TAF2: variants seen among roughly 807,000 people sequenced by gnomAD.
The protein encoded by TAF2 is transcription initiation factor TFIID subunit 2.
Under a neutral mutation model 138.5 loss-of-function variants are expected in TAF2, and 61 were observed. The ratio of observed to expected loss-of-function variants is 0.44; its 90% CI spans 0.36 to 0.54. The LOEUF is 0.54. Among genes scored for constraint, TAF2 ranks in the 20% least tolerant of loss-of-function variants. TAF2 has a pLI of 0.00. For missense variants in TAF2, 1,090 were observed against 1,427.9 expected, an observed-to-expected ratio of 0.76 and a Z score of 3.81; for synonymous variants, 475 against 469.9, an observed-to-expected ratio of 1.01 and a Z score of -0.14.
At chr8:119,781,709 T>TA (rs943057343) in intron 16 of TAF2, among the ~76,000 whole-genome samples, 5 of 152,008 alleles carry the variant, frequency 3.3e-5, no homozygotes, top group African/African-American at 1.2e-4. Flanking sequence ...TCTTTTTTTT[T>TA]TTTGGAGATG....
intron 3 of TAF2, among the ~76,000 whole-genome samples, chr8:119,818,014 T>C (rs1412837841): frequency 6.6e-6 from 1 of 152,238 alleles, no homozygotes; most frequent in Admixed American, 6.5e-5. Flanking sequence ...CAGGAGTAAA[T>C]CAGGGTTCCC....
intron 25 of TAF2, among the ~76,000 whole-genome samples, chr8:119,738,009 C>T (rs895023916): frequency 2.6e-5 from 4 of 151,832 alleles, no homozygotes; most frequent in African/African-American, 4.8e-5. Flanking sequence ...TCACCAACAA[C>T]CTTTAGCTCT....
chr8:119,763,287 T>C (rs1221402052), intron 18 of TAF2, among the ~76,000 whole-genome samples: 2 of 152,236 alleles, frequency 1.3e-5, no homozygotes, highest in Admixed American at 1.3e-4. Context: ...GTATTCACTA[T>C]AAAGTTTTGC....
At chr8:119,829,318 C>A (rs1826292683) in intron 2 of TAF2, among the ~76,000 whole-genome samples, 1 of 152,140 alleles carries the variant, frequency 6.6e-6, no homozygotes, top group Admixed American at 6.6e-5. Flanking sequence ...GCAGTAGCTT[C>A]ATTCTTCTAT....
In TAF2 at chr8:119,763,725, G is replaced by A. The variant is rs192756862; in HGVS notation, c.2365-1117C>T. 3.1e-4 allele frequency among the ~76,000 whole-genome samples: 47 copies of A among 151,058 alleles called. 1 individual carries two copies. The highest frequency in any genetic ancestry group is 5.3e-4 in the African/African-American group (22 of 41,138). On this transcript the variant is annotated intron_variant, in intron 18 of 25. Coordinates refer to ENST00000378164, the MANE Select transcript of TAF2 (RefSeq NM_003184.4). The stretch of plus-strand genomic sequence containing the variant: ...AGCCTGGATGACAGAGCAGGACTCC[G>A]TCTCAAGTGAGCCGAGACTGCACCA...
intron 2 of TAF2, 129 bp downstream of exon 2, chr8:119,831,548 T>G: frequency 1.5e-6 from 1 of 658,078 alleles, no homozygotes. Context: ...AGACCCTAAT[T>G]TTAATTCTTA....
At chr8:119,808,091 G>A (rs753190362) in intron 3 of TAF2, among the ~76,000 whole-genome samples, 1 of 152,120 alleles carries the variant, frequency 6.6e-6, no homozygotes, top group Non-Finnish European at 1.5e-5. Flanking sequence ...CAGTTAGGAA[G>A]GATATAATAT....
intron 3 of TAF2, among the ~76,000 whole-genome samples, chr8:119,812,225 T>C (rs1825119116): frequency 6.6e-6 from 1 of 152,218 alleles, no homozygotes; most frequent in African/African-American, 2.4e-5. Context: ...TAGCATCCTA[T>C]GTGACCTTGT....
rs988782542 is a variant in TAF2 at position 119,799,554 on chromosome 8, C to T, written c.793-1708G>A. On this transcript the variant is annotated intron_variant, in intron 6 of 25. Coordinates refer to ENST00000378164, the MANE Select transcript of TAF2 (RefSeq NM_003184.4). ...CACATTTTCTTAATCCAGCCTATCA[C>T]TGATGGACTGGGTTGGTTCCAAGTC... Among the ~76,000 whole-genome samples, 25 of 152,046 alleles carry T rather than the reference C, an allele frequency of 1.6e-4. 1 individual carries two copies. The highest frequency in any genetic ancestry group is 5.1e-4 in the African/African-American group (21 of 41,426).
At chr8:119,777,888 T>G (rs1822367903) in intron 18 of TAF2, 131 bp downstream of exon 18, 1 of 581,650 alleles carries the variant, frequency 1.7e-6, no homozygotes. Flanking sequence ...TGGACAGTCA[T>G]CAAGTACGAT....
chr8:119,762,527 C>T lies in TAF2; in HGVS notation c.2446G>A (p.Val816Ile). 6.2e-7 allele frequency: 1 copy of T among 1,613,922 alleles called. No individual in the cohort carries two copies. Among genetic ancestry groups the T allele is most frequent in the Admixed American group, 1.7e-5 (1 of 60,024 alleles). Reference protein sequence around the residue: ...VTPAVSVNNEVRTLDNLNPDV... With the variant: ...VTPAVSVNNEIRTLDNLNPDV... The stretch of plus-strand genomic sequence containing the variant: ...GGATTTAAGTTATCCAAAGTTCTAA[C>T]TTCATTATTCACACTGACTGCAGGT... Residue 816 changes from valine (V) to isoleucine (I), a missense_variant, in exon 19 of 26, where the codon GTT (valine) becomes ATT (isoleucine). Transcript: ENST00000378164.
At chr8:119,762,979 A>G in intron 18 of TAF2, 1 of 185,268 alleles carries the variant, frequency 5.4e-6, no homozygotes, top group South Asian at 1.0e-4. Flanking sequence ...ATTTATTGAA[A>G]GGTGACCTGG....
In TAF2 at chr8:119,831,747, T is replaced by C. The variant is rs769815225; in HGVS notation, c.84-16A>G. 2.0e-6 allele frequency: 3 copies of C among 1,511,572 alleles called. No individual in the cohort carries two copies. The highest frequency in any genetic ancestry group is 2.6e-5 in the South Asian group (2 of 76,408). The allele number at this position is 1,511,572 out of a possible 1,614,324, so 93.6% of individuals were successfully genotyped here. On this transcript the variant is annotated splice_polypyrimidine_tract_variant and intron_variant, in intron 1 of 25. Coordinates refer to ENST00000378164, the MANE Select transcript of TAF2 (RefSeq NM_003184.4). ...CTGATGGGTTGTATATTAATAAATA[T>C]AAAAAGAAAATAAGGAAAAAATAAT...
chr8:119,798,970 TC>T (rs1307553304), intron 6 of TAF2, among the ~76,000 whole-genome samples: 1 of 152,060 alleles, frequency 6.6e-6, no homozygotes, highest in Non-Finnish European at 1.5e-5. Context: ...TTTAGACAAA[TC>T]CTACAAGACA....
intron 6 of TAF2, among the ~76,000 whole-genome samples, chr8:119,800,712 T>A (rs1337103257): frequency 6.6e-6 from 1 of 152,196 alleles, no homozygotes; most frequent in Non-Finnish European, 1.5e-5. Context: ...TTTCCACGAG[T>A]GATTTTACAA....
chr8:119,819,469 T>C lies in TAF2; in HGVS notation c.176A>G (p.Asn59Ser). 6.2e-7 allele frequency: 1 copy of C among 1,610,452 alleles called. No homozygotes were observed. Among genetic ancestry groups the C allele is most frequent in the Non-Finnish European group, 8.5e-7 (1 of 1,179,486 alleles). The part of the protein sequence containing the change: ...VELTIFPTVA[N>S]LNRIKLNSKQ... Reference sequence around the variant, plus strand: ...GCTGTTCAACTTGATTCTATTCAAGTTTGCAACTGTGGGAAATATAGTCAG... The same window carrying C: ...GCTGTTCAACTTGATTCTATTCAAGCTTGCAACTGTGGGAAATATAGTCAG... The change falls in exon 3 of 26, where the codon AAC becomes AGC. Residue 59 changes from asparagine to serine, a missense_variant. This residue lies in a region of TAF2 where 504 missense variants were observed against 680.9 expected (regional missense o/e 0.74). Coordinates refer to ENST00000378164, the MANE Select transcript of TAF2 (RefSeq NM_003184.4).
intron 8 of TAF2, 79 bp from the exon 9 acceptor site, chr8:119,795,710 G>T: frequency 8.0e-7 from 1 of 1,243,894 alleles, no homozygotes; most frequent in Non-Finnish European, 1.2e-6. Context: ...AACGGAATAA[G>T]TGTAGTGTGT....
At chr8:119,743,658 A>T (rs1000503245) in intron 24 of TAF2, among the ~76,000 whole-genome samples, 2 of 152,184 alleles carry the variant, frequency 1.3e-5, no homozygotes, top group South Asian at 4.1e-4. Context: ...TGTATCTCAC[A>T]ATATAGCTAA....
intron 6 of TAF2, among the ~76,000 whole-genome samples, chr8:119,801,364 AT>A (rs1402708571): frequency 1.3e-5 from 2 of 151,850 alleles, no homozygotes; most frequent in African/African-American, 2.4e-5. Context: ...ATAAGGAAAC[AT>A]TTTCTCTCTA....
Sources: allele counts gnomAD v4.1 joint callset (sites outside exome capture counted in the v4.1 genomes callset), GRCh38; gene constraint gnomAD v4.1.1; regional missense constraint gnomAD v4.1.1; transcripts MANE v1.5; gene names NCBI Gene and HGNC (gene_info 2026-07-23, HGNC 2026-07-21).